BTBD9: variants seen among roughly 807,000 people sequenced by gnomAD.
BTBD9 encodes the protein BTB/POZ domain-containing protein 9.
Under a neutral mutation model 64.3 loss-of-function variants are expected in BTBD9, and 49 were observed. The ratio of observed to expected loss-of-function variants is 0.76; its 90% CI spans 0.61 to 0.97. The LOEUF is 0.97. Ranked by LOEUF, BTBD9 falls within the 50% of genes least tolerant of loss-of-function variation. The pLI is 0.00. For missense variants in BTBD9, 598 were observed against 762.1 expected (o/e 0.78, Z 2.53); for synonymous variants, 260 against 274.7 (o/e 0.95, Z 0.53).
chr6:38,456,150 G>T (rs189242300), intron 6 of BTBD9, among the ~76,000 whole-genome samples: 1 of 151,684 alleles, frequency 6.6e-6, no homozygotes, highest in Non-Finnish European at 1.5e-5. Flanking sequence ...ACCACGCCCT[G>T]CTAATTTTTG....
At chr6:38,589,620 T>C (rs1283061844) in intron 4 of BTBD9, among the ~76,000 whole-genome samples, 1 of 152,196 alleles carries the variant, frequency 6.6e-6, no homozygotes, top group Non-Finnish European at 1.5e-5. Flanking sequence ...CTAGCTACCA[T>C]ACTATTTTTT....
At chr6:38,186,938 G>A (rs549535588) in intron 10 of BTBD9, among the ~76,000 whole-genome samples, 14 of 152,150 alleles carry the variant, frequency 9.2e-5, no homozygotes, top group African/African-American at 2.9e-4. Flanking sequence ...TCAAACCCAC[G>A]TTTTTATAAA....
intron 6 of BTBD9, among the ~76,000 whole-genome samples, chr6:38,526,139 C>A (rs969067755): frequency 7.9e-5 from 12 of 152,234 alleles, no homozygotes; most frequent in African/African-American, 2.9e-4. Flanking sequence ...GTGAGCCAGG[C>A]CCAGGGCCCT....
intron 6 of BTBD9, among the ~76,000 whole-genome samples, chr6:38,385,193 C>T (rs1766098795): frequency 7.1e-6 from 1 of 140,336 alleles, no homozygotes; most frequent in African/African-American, 2.6e-5. Flanking sequence ...ATCTTACGTA[C>T]TTTTTTTTTT....
At chr6:38,210,536 TTGTGTGTGTGTGTGTGTGTGTGTG>T (rs71542165) in intron 9 of BTBD9, among the ~76,000 whole-genome samples, 6 of 146,348 alleles carry the variant, frequency 4.1e-5, no homozygotes, top group Non-Finnish European at 6.0e-5. Flanking sequence ...GTGCGTGTGT[TTGTGTGTGTGTGTGTGTGTGTGTG>T]TGTGTGTGTG....
chr6:38,399,573 G>A (rs570992775), intron 6 of BTBD9, among the ~76,000 whole-genome samples: 26 of 152,300 alleles, frequency 1.7e-4, no homozygotes, highest in Admixed American at 1.6e-3. Flanking sequence ...ATCTATGGCA[G>A]AGACTGTGAG....
Position 38,512,908 on chromosome 6 carries a change from G to C in BTBD9, c.1154+64692C>G, listed in dbSNP as rs117192888. ...ATGTAATGTAAAAATGAGGTGTTAAGATGATGTATAGCCTGAAAATACCAA... is the reference window on the plus strand; with the variant it reads ...ATGTAATGTAAAAATGAGGTGTTAACATGATGTATAGCCTGAAAATACCAA... On this transcript the variant is annotated intron_variant, in intron 6 of 10. Coordinates refer to ENST00000481247, the MANE Select transcript of BTBD9 (RefSeq NM_001099272.2). 1.3e-3 allele frequency among the ~76,000 whole-genome samples: 198 copies of C among 152,274 alleles called. 4 individuals are homozygous for C. In the East Asian group the frequency reaches 0.017, roughly 13 times the overall value.
intron 6 of BTBD9, among the ~76,000 whole-genome samples, chr6:38,526,754 T>C (rs1480974210): frequency 6.6e-6 from 1 of 152,214 alleles, no homozygotes; most frequent in African/African-American, 2.4e-5. Context: ...TGTAGCCCCT[T>C]TGTTTTGGCC....
chr6:38,443,310 T>C (rs1352482242), intron 6 of BTBD9, among the ~76,000 whole-genome samples: 1 of 152,174 alleles, frequency 6.6e-6, no homozygotes, highest in Non-Finnish European at 1.5e-5. Context: ...TGCTTCTAGG[T>C]GAAGGGGTGA....
chr6:38,428,340 A>G (rs151220447), intron 6 of BTBD9, among the ~76,000 whole-genome samples: 1 of 119,310 alleles, frequency 8.4e-6, no homozygotes, highest in Non-Finnish European at 1.9e-5. Context: ...GCCCCCAAAA[A>G]CCTTTGTACA....
chr6:38,205,140 G>A (rs1762590312), intron 9 of BTBD9, among the ~76,000 whole-genome samples: 2 of 152,148 alleles, frequency 1.3e-5, no homozygotes, highest in South Asian at 4.1e-4. Flanking sequence ...GAAATATGAT[G>A]TTCCAGAGAA....
intron 4 of BTBD9, chr6:38,588,371 A>C: frequency 2.3e-6 from 2 of 856,624 alleles, no homozygotes; most frequent in South Asian, 2.7e-5. Flanking sequence ...CCTGCCTCTC[A>C]ACCTAGAATG....
intron 6 of BTBD9, among the ~76,000 whole-genome samples, chr6:38,394,741 T>C (rs1766589419): frequency 6.6e-6 from 1 of 152,100 alleles, no homozygotes; most frequent in Non-Finnish European, 1.5e-5. Context: ...GCCACCATGC[T>C]GTAGGGACAC....
intron 6 of BTBD9, among the ~76,000 whole-genome samples, chr6:38,461,528 G>A (rs1770086120): frequency 6.6e-6 from 1 of 152,024 alleles, no homozygotes; most frequent in African/African-American, 2.4e-5. Flanking sequence ...GTATTTTATT[G>A]TACACAATAA....
At chr6:38,330,760 A>G (rs1221575267) in intron 7 of BTBD9, among the ~76,000 whole-genome samples, 3 of 152,234 alleles carry the variant, frequency 2.0e-5, no homozygotes, top group East Asian at 1.9e-4. Flanking sequence ...AATCTATGAT[A>G]TATCTATTTT....
chr6:38,338,620 C>G (rs1193600453), intron 7 of BTBD9, among the ~76,000 whole-genome samples: 1 of 152,048 alleles, frequency 6.6e-6, no homozygotes, highest in African/African-American at 2.4e-5. Flanking sequence ...GAGGTAGAAC[C>G]AGGGACAAGG....
In BTBD9 at chr6:38,434,765, T is replaced by A. The variant is rs190433847; in HGVS notation, c.1155-89672A>T. Among the ~76,000 whole-genome samples the A allele has an allele frequency of 2.0e-5, 3 of 152,106 alleles. No individual in the cohort carries two copies. In the East Asian group the frequency reaches 5.8e-4, roughly 29 times the overall value. On this transcript the variant is annotated intron_variant, in intron 6 of 10. Transcript: ENST00000481247. ...AGTCTATCATGCAGGAAATTTGTGA[T>A]TATGCATTAAATTTTGTTTTAGTTG... is the stretch of plus-strand genomic sequence containing the variant.
At chr6:38,453,125 CA>C (rs1475013196) in intron 6 of BTBD9, among the ~76,000 whole-genome samples, 1 of 152,030 alleles carries the variant, frequency 6.6e-6, no homozygotes, top group Non-Finnish European at 1.5e-5. Context: ...AAAATTTATG[CA>C]AAGTAACAGA....
intron 6 of BTBD9, among the ~76,000 whole-genome samples, chr6:38,502,213 T>C (rs1373534665): frequency 1.3e-5 from 2 of 152,196 alleles, no homozygotes; most frequent in Non-Finnish European, 2.9e-5. Context: ...GAAGATTCTA[T>C]AATTCTGTCT....
Sources: gnomAD v4.1 joint callset for allele counts (sites outside exome capture counted in the v4.1 genomes callset) on GRCh38, gnomAD v4.1.1 for gene constraint, MANE v1.5 for transcripts, NCBI Gene and HGNC (gene_info 2026-07-23, HGNC 2026-07-21) for gene names.